PCDH15: variants seen among roughly 807,000 people sequenced by gnomAD.
PCDH15 encodes protocadherin-15.
A neutral mutation model predicts 178.5 loss-of-function variants in PCDH15; 129 were observed. The observed-to-expected ratio is 0.72, with a 90% CI of 0.63 to 0.84. The LOEUF (loss-of-function observed/expected upper bound fraction) is 0.84, where lower values mean the gene tolerates loss of function less well. PCDH15 is among the 40% of genes least tolerant of loss of function. PCDH15 has a pLI of 0.00. For missense variants in PCDH15, 2,230 were observed against 2,099.9 expected, an observed-to-expected ratio of 1.06 and a Z score of -1.21; for synonymous variants, 800 against 732.0, an observed-to-expected ratio of 1.09 and a Z score of -1.50.
At chr10:53,957,032 C>T (rs1442432804) in intron 23 of PCDH15, among the ~76,000 whole-genome samples, 1 of 152,078 alleles carries the variant, frequency 6.6e-6, no homozygotes, top group Non-Finnish European at 1.5e-5. Context: ...GGCCTCAATG[C>T]CACAATATTT....
intron 2 of PCDH15, among the ~76,000 whole-genome samples, chr10:54,618,824 T>C (rs1185611272): frequency 1.3e-5 from 2 of 151,958 alleles, no homozygotes; most frequent in African/African-American, 4.8e-5. Flanking sequence ...AAGCTCACCA[T>C]AGAGCAAAAT....
chr10:55,593,667 G>T (rs1262815080), intron 2 of PCDH15, among the ~76,000 whole-genome samples: 1 of 151,736 alleles, frequency 6.6e-6, no homozygotes, highest in Non-Finnish European at 1.5e-5. Context: ...AGTATTGTGT[G>T]ATGACTTATC....
chr10:53,820,336 AAAT>A, intron 32 of PCDH15, 106 bp from the exon 33 acceptor site: 2 of 393,072 alleles, frequency 5.1e-6, no homozygotes. Context: ...GGGCTAATAA[AAAT>A]AATCAGATTT....
intron 26 of PCDH15, among the ~76,000 whole-genome samples, chr10:53,877,759 G>A (rs1000829047): frequency 2.6e-5 from 4 of 151,940 alleles, no homozygotes; most frequent in South Asian, 2.1e-4. Context: ...CCTCCCCCTC[G>A]GTTTAATCTC....
intron 28 of PCDH15, among the ~76,000 whole-genome samples, chr10:53,845,263 A>G (rs562592166): frequency 2.6e-5 from 4 of 152,030 alleles, no homozygotes; most frequent in African/African-American, 9.6e-5. Flanking sequence ...AGGAACATTT[A>G]TACATTCTTG....
chr10:55,397,079 T>G (rs775182108), intron 2 of PCDH15, among the ~76,000 whole-genome samples: 2 of 152,178 alleles, frequency 1.3e-5, no homozygotes, highest in South Asian at 2.1e-4. Context: ...AAAATGAGAC[T>G]GCTATGTAGT....
At chr10:54,188,453 G>T (rs1047514241) in intron 11 of PCDH15, among the ~76,000 whole-genome samples, 1 of 151,662 alleles carries the variant, frequency 6.6e-6, no homozygotes, top group African/African-American at 2.4e-5. Context: ...TAAATCAATA[G>T]GTACACAGAG....
At chr10:54,182,607 T>C (rs2048095032) in intron 13 of PCDH15, among the ~76,000 whole-genome samples, 1 of 152,066 alleles carries the variant, frequency 6.6e-6, no homozygotes, top group African/African-American at 2.4e-5. Context: ...GGAATAAAGA[T>C]GTTGCCTGAC....
chr10:53,968,661 G>T (rs2089318336), intron 21 of PCDH15, among the ~76,000 whole-genome samples: 1 of 152,170 alleles, frequency 6.6e-6, no homozygotes, highest in South Asian at 2.1e-4. Flanking sequence ...AGCTTCCAGA[G>T]GAAGGATCAG....
chr10:54,874,701 T>C (rs1204198723), intron 3 of PCDH15, among the ~76,000 whole-genome samples: 1 of 152,150 alleles, frequency 6.6e-6, no homozygotes, highest in Admixed American at 6.6e-5. Flanking sequence ...AGATATAGAA[T>C]GCCAAGTAAA....
intron 2 of PCDH15, among the ~76,000 whole-genome samples, chr10:55,441,889 G>A (rs746090971): frequency 5.3e-5 from 8 of 152,144 alleles, no homozygotes; most frequent in Non-Finnish European, 7.3e-5. Flanking sequence ...AGAAGAGGCT[G>A]AGAGAAGTTG....
At chr10:54,851,736 A>T (rs1323155887) in intron 3 of PCDH15, among the ~76,000 whole-genome samples, 2 of 152,086 alleles carry the variant, frequency 1.3e-5, no homozygotes, top group Non-Finnish European at 2.9e-5. Flanking sequence ...CGCCTGGCTA[A>T]TATTTGTATT....
Position 54,378,960 on chromosome 10 carries a change from G to T in PCDH15, c.158-18C>A, listed in dbSNP as rs1359120408. The T allele has an allele frequency of 6.2e-7, 1 of 1,613,158 alleles. No homozygotes were observed. The highest frequency in any genetic ancestry group is 1.7e-5 in the Admixed American group (1 of 59,956). ...AATTGTACCTGCAAACCAAAGAAAG[G>T]TACTTGAAAACATATTCTACTCATA... On this transcript the variant is annotated intron_variant, in intron 3 of 37. Coordinates refer to ENST00000644397, the MANE Select transcript of PCDH15 (RefSeq NM_001384140.1).
intron 1 of PCDH15, among the ~76,000 whole-genome samples, chr10:55,282,203 C>A (rs1217251123): frequency 6.6e-6 from 1 of 152,184 alleles, no homozygotes; most frequent in African/African-American, 2.4e-5. Context: ...TGACCTCTAG[C>A]CATGCTGCCC....
chr10:55,219,490 C>T (rs1168357665), intron 1 of PCDH15, among the ~76,000 whole-genome samples: 2 of 151,588 alleles, frequency 1.3e-5, no homozygotes, highest in Non-Finnish European at 2.9e-5. Context: ...TTCTTGCATA[C>T]ATCGTATATT....
chr10:55,273,927 C>G (rs976445674), intron 1 of PCDH15, among the ~76,000 whole-genome samples: 10 of 71,976 alleles, frequency 1.4e-4, no homozygotes, highest in Non-Finnish European at 2.9e-4. Context: ...GTTAACACCT[C>G]CCACACACAC....
chr10:55,144,162 T>G (rs573389553), intron 2 of PCDH15, among the ~76,000 whole-genome samples: 9 of 152,192 alleles, frequency 5.9e-5, no homozygotes, highest in Middle Eastern at 3.4e-3. Flanking sequence ...CCAATATAAC[T>G]GATTTTCTTC....
At chr10:54,150,526 C>T (rs979139781) in intron 14 of PCDH15, among the ~76,000 whole-genome samples, 46 of 151,960 alleles carry the variant, frequency 3.0e-4, no homozygotes, top group African/African-American at 1.1e-3. Context: ...GCAAAGTTGT[C>T]TCTGAATCCT....
intron 32 of PCDH15, chr10:53,821,938 ATGTGATTTCCATATT>A: frequency 6.2e-7 from 1 of 1,613,730 alleles, no homozygotes; most frequent in Non-Finnish European, 8.5e-7. Context: ...TTTTGTTCAG[ATGTGATTTCCATATT>A]TGTTACTTCT....
Sources: gnomAD v4.1 joint callset for allele counts (sites outside exome capture counted in the v4.1 genomes callset) on GRCh38, gnomAD v4.1.1 for gene constraint, MANE v1.5 for transcripts, NCBI Gene and HGNC (gene_info 2026-07-23, HGNC 2026-07-21) for gene names.